The following GGACT variants were observed in gnomAD, a reference collection of about 807,000 sequenced individuals.
GGACT encodes the protein gamma-glutamylaminecyclotransferase.
For missense variants in GGACT, 241 were observed against 233.2 expected (o/e 1.03, Z -0.22); for synonymous variants, 118 against 115.3 (o/e 1.02, Z -0.15).
intron 2 of GGACT, among the ~76,000 whole-genome samples, chr13:100,556,592 GT>G (rs527630027): frequency 0.017 from 2,489 of 148,320 alleles, 69 homozygotes; most frequent in African/African-American, 0.055. Flanking sequence ...AATCCCAGGG[GT>G]TTTTTTTTTG....
Position 100,557,013 on chromosome 13 carries a change from C to T in GGACT, c.-10-24412G>A, listed in dbSNP as rs1367669167. Among the ~76,000 whole-genome samples the T allele has an allele frequency of 2.3e-4, 35 of 152,132 alleles. No individual in the cohort carries two copies. In the East Asian group the frequency reaches 6.1e-3, roughly 27 times the overall value. ...CAAGCGATTCTCATGCCTCAGCCTC[C>T]CAAGCAGCTGGGACTACAAGCATAC... On this transcript the variant is annotated intron_variant, in intron 2 of 2. Coordinates refer to ENST00000683975, the MANE Select transcript of GGACT (RefSeq NM_001195087.2).
intron 2 of GGACT, among the ~76,000 whole-genome samples, chr13:100,570,966 A>C (rs1594196217): frequency 6.6e-6 from 1 of 152,264 alleles, no homozygotes; most frequent in East Asian, 1.9e-4. Context: ...GAGATTGCTC[A>C]GTCTCCAAGA....
chr13:100,551,289 A>T (rs1275507838), intron 2 of GGACT, among the ~76,000 whole-genome samples: 2 of 152,094 alleles, frequency 1.3e-5, no homozygotes, highest in Non-Finnish European at 2.9e-5. Flanking sequence ...GTCTCAAAAA[A>T]AAAACAAAAA....
intron 2 of GGACT, chr13:100,541,610 G>A (rs2088555888): frequency 6.6e-6 from 1 of 152,164 alleles, no homozygotes; most frequent in Non-Finnish European, 1.5e-5. Flanking sequence ...ATTATAAGTG[G>A]GAGAGGGCAT....
At chr13:100,570,889 G>A (rs1281061999) in intron 2 of GGACT, among the ~76,000 whole-genome samples, 2 of 152,162 alleles carry the variant, frequency 1.3e-5, no homozygotes, top group Non-Finnish European at 2.9e-5. Flanking sequence ...CTCAGATGAT[G>A]TATCGCTACT....
intron 1 of GGACT, among the ~76,000 whole-genome samples, chr13:100,587,871 C>CA (rs1203659652): frequency 6.6e-6 from 1 of 152,138 alleles, no homozygotes; most frequent in Non-Finnish European, 1.5e-5. Context: ...ACTAAAAACA[C>CA]AAAAATAAGC....
chr13:100,556,588 AG>A, intron 2 of GGACT, among the ~76,000 whole-genome samples: 1 of 151,670 alleles, frequency 6.6e-6, no homozygotes, highest in Non-Finnish European at 1.5e-5. Context: ...TGAAAATCCC[AG>A]GGGTTTTTTT....
intron 2 of GGACT, among the ~76,000 whole-genome samples, chr13:100,548,156 G>A (rs192102113): frequency 5.9e-5 from 9 of 152,322 alleles, no homozygotes; most frequent in African/African-American, 1.7e-4. Flanking sequence ...TTTCAACTCC[G>A]GCAGAAGGCA....
At chr13:100,551,869 C>G (rs2153014265) in intron 2 of GGACT, among the ~76,000 whole-genome samples, 1 of 152,342 alleles carries the variant, frequency 6.6e-6, no homozygotes, top group Middle Eastern at 3.4e-3. Context: ...CCCTAGGGAG[C>G]AGGTCTCTGT....
intron 2 of GGACT, chr13:100,538,240 C>T (rs1037146072): frequency 1.3e-5 from 2 of 152,242 alleles, no homozygotes; most frequent in Admixed American, 6.5e-5. Context: ...GGCTCTGTCA[C>T]TTGCACTGAC....
At chr13:100,575,442 C>CAG (rs1453504733) in intron 2 of GGACT, among the ~76,000 whole-genome samples, 4 of 152,170 alleles carry the variant, frequency 2.6e-5, no homozygotes, top group Admixed American at 2.0e-4. Context: ...TTTTGTTTCA[C>CAG]AAATTTCGAC....
chr13:100,563,085 A>G (rs1285950566), intron 2 of GGACT, among the ~76,000 whole-genome samples: 1 of 152,166 alleles, frequency 6.6e-6, no homozygotes, highest in East Asian at 1.9e-4. Context: ...GAACCACTAG[A>G]ACTGTGAGAA....
At chr13:100,578,908 T>C (rs1334776591) in intron 2 of GGACT, 1 of 152,184 alleles carries the variant, frequency 6.6e-6, no homozygotes, top group Non-Finnish European at 1.5e-5. Flanking sequence ...CAAGTACAGA[T>C]GACAACAGCA....
chr13:100,539,329 G>A (rs995095789), intron 2 of GGACT: 1 of 152,624 alleles, frequency 6.6e-6, no homozygotes, highest in Non-Finnish European at 1.5e-5. Flanking sequence ...TGAGTATCAT[G>A]TTAGCTGTGG....
intron 1 of GGACT, among the ~76,000 whole-genome samples, chr13:100,584,993 A>T (rs909117309): frequency 5.3e-5 from 8 of 152,206 alleles, no homozygotes; most frequent in Non-Finnish European, 7.3e-5. Flanking sequence ...ATTTAGATTT[A>T]AAAAAAGTCA....
In GGACT at chr13:100,530,305, A is replaced by G; in HGVS notation, c.*1825T>C. 1 of 742,896 alleles carries G rather than the reference A, an allele frequency of 1.3e-6. No individual in the cohort carries two copies. The highest frequency in any genetic ancestry group is 1.5e-5 in the South Asian group (1 of 66,028). 46.0% of individuals were successfully genotyped at this position (742,896 alleles called of 1,614,324 possible). A position where few individuals can be genotyped will look rare whatever the true frequency, so the allele number is the denominator to read the frequency against. ...TCGTCATTTATTCCACAGAGTCAAG[A>G]CCAATATTCTGCCAAAAAATCACCA... On this transcript the variant is annotated 3_prime_UTR_variant, in exon 3 of 3. Coordinates refer to ENST00000683975, the MANE Select transcript of GGACT (RefSeq NM_001195087.2).
intron 1 of GGACT, among the ~76,000 whole-genome samples, chr13:100,587,841 C>T (rs1466965786): frequency 6.6e-6 from 1 of 152,226 alleles, no homozygotes; most frequent in Non-Finnish European, 1.5e-5. Flanking sequence ...GCCTGGCCAA[C>T]ATGGTGAAAC....
intron 2 of GGACT, among the ~76,000 whole-genome samples, chr13:100,540,622 A>C (rs1412935036): frequency 2.0e-5 from 3 of 152,102 alleles, no homozygotes; most frequent in Admixed American, 6.6e-5. Context: ...CTTTTTGTTT[A>C]TCTCTGCTCT....
At chr13:100,549,028 C>T (rs1271746496) in intron 2 of GGACT, among the ~76,000 whole-genome samples, 8 of 152,346 alleles carry the variant, frequency 5.3e-5, no homozygotes, top group Non-Finnish European at 8.8e-5. Flanking sequence ...CTCCACTACG[C>T]GTGGAGGCTG....
Sources: allele counts gnomAD v4.1 joint callset (sites outside exome capture counted in the v4.1 genomes callset), GRCh38; gene constraint gnomAD v4.1.1; transcripts MANE v1.5; gene names NCBI Gene and HGNC (gene_info 2026-07-23, HGNC 2026-07-21).